The following SLC15A5 variants were observed in gnomAD, a reference collection of about 807,000 sequenced individuals.
SLC15A5 encodes the protein solute carrier family 15 member 5, also known as Peptide/histidine transporter ENSP00000340402.
SLC15A5 carries 58 observed loss-of-function variants against 56.1 expected under a neutral mutation model. The observed-to-expected ratio is 1.03, with a 90% CI of 0.84 to 1.29. SLC15A5 has a LOEUF of 1.29. SLC15A5 is among the 50% of genes most tolerant of loss of function. SLC15A5 has a pLI of 0.00. For missense variants in SLC15A5, 681 were observed against 672.1 expected (o/e 1.01, Z -0.15); for synonymous variants, 264 against 250.5 (o/e 1.05, Z -0.51).
intron 6 of SLC15A5, among the ~76,000 whole-genome samples, chr12:16,220,702 C>T (rs1272665906): frequency 6.6e-6 from 1 of 152,194 alleles, no homozygotes; most frequent in African/African-American, 2.4e-5. Context: ...TAACTGTACC[C>T]ACTCCATAAT....
At chr12:16,253,851 C>T (rs577419924) in intron 3 of SLC15A5, among the ~76,000 whole-genome samples, 78 of 152,096 alleles carry the variant, frequency 5.1e-4, no homozygotes, top group African/African-American at 1.7e-3. Context: ...AATGGTGCAG[C>T]CATTGTGGAA....
At chr12:16,226,930 A>C (rs910821830) in intron 5 of SLC15A5, among the ~76,000 whole-genome samples, 1 of 152,206 alleles carries the variant, frequency 6.6e-6, no homozygotes, top group African/African-American at 2.4e-5. Context: ...CTTGCATACA[A>C]TTTTAGATAA....
intron 2 of SLC15A5, among the ~76,000 whole-genome samples, chr12:16,266,652 C>G (rs1864700154): frequency 6.6e-6 from 1 of 151,978 alleles, no homozygotes; most frequent in South Asian, 2.1e-4. Context: ...GTATATGTAT[C>G]ATCTATAAAA....
chr12:16,204,974 A>G (rs954521934), intron 7 of SLC15A5, among the ~76,000 whole-genome samples: 1 of 152,166 alleles, frequency 6.6e-6, no homozygotes, highest in Non-Finnish European at 1.5e-5. Context: ...AAACTTGTAT[A>G]AAATAAATTT....
intron 5 of SLC15A5, among the ~76,000 whole-genome samples, chr12:16,231,344 A>G (rs962047554): frequency 6.6e-5 from 10 of 152,222 alleles, no homozygotes; most frequent in Non-Finnish European, 2.9e-5. Flanking sequence ...GTAAAAAGTC[A>G]GAGAAAGAGA....
intron 5 of SLC15A5, among the ~76,000 whole-genome samples, chr12:16,234,826 A>T (rs376092162): frequency 1.3e-5 from 2 of 152,192 alleles, no homozygotes; most frequent in Admixed American, 6.5e-5. Context: ...AGCTGAACTT[A>T]TACTAAAAAA....
rs1863820393 is a variant in SLC15A5 at position 16,189,568 on chromosome 12, CTG to C, written c.*98_*99del. On this transcript the variant is annotated 3_prime_UTR_variant, in exon 9 of 9. Coordinates refer to ENST00000344941, the MANE Select transcript of SLC15A5 (RefSeq NM_001170798.1). ...ACAGATGATATTTGTAAAATCACCT[CTG>C]TATATATTGGCTTTTACACTAAAAC... 1 of 1,014,924 alleles carries C rather than the reference CTG, an allele frequency of 9.9e-7. No homozygotes were observed. 62.9% of individuals were successfully genotyped at this position (1,014,924 alleles called of 1,614,324 possible).
intron 8 of SLC15A5, among the ~76,000 whole-genome samples, chr12:16,193,853 A>G (rs1396486606): frequency 8.0e-6 from 1 of 124,494 alleles, no homozygotes; most frequent in African/African-American, 3.2e-5. Context: ...GAGGCTGGCA[A>G]TGGATGGGTG....
At chr12:16,255,018 T>A (rs908730550) in intron 3 of SLC15A5, among the ~76,000 whole-genome samples, 1 of 152,140 alleles carries the variant, frequency 6.6e-6, no homozygotes, top group Admixed American at 6.5e-5. Flanking sequence ...AAAGAAATGA[T>A]GTTTGAAATG....
Position 16,235,318 on chromosome 12 carries a change from A to G in SLC15A5, c.1162+4363T>C, listed in dbSNP as rs569931098. Reference sequence around the variant, plus strand: ...TATGTATATGTATATATATGTATATATGTATATGTATATGTACATATATAT... The same window carrying G: ...TATGTATATGTATATATATGTATATGTGTATATGTATATGTACATATATAT... On this transcript the variant is annotated intron_variant, in intron 5 of 8. Coordinates refer to ENST00000344941, the MANE Select transcript of SLC15A5 (RefSeq NM_001170798.1). This position sits in a 1 kb window ranked among gnomAD's most constrained non-coding sequence, Gnocchi z 4.1. Among the ~76,000 whole-genome samples, 3 of 149,514 alleles carry G rather than the reference A, an allele frequency of 2.0e-5. No individual in the cohort carries two copies. The Admixed American group carries it at 2.0e-4, about 10-fold the overall frequency.
chr12:16,234,275 C>G (rs975188930), intron 5 of SLC15A5, among the ~76,000 whole-genome samples: 1 of 152,178 alleles, frequency 6.6e-6, no homozygotes, highest in African/African-American at 2.4e-5. Context: ...CCTCCCAATA[C>G]TGTTGTACTG....
chr12:16,246,142 G>A (rs1864458956), intron 3 of SLC15A5, among the ~76,000 whole-genome samples: 1 of 152,114 alleles, frequency 6.6e-6, no homozygotes, highest in South Asian at 2.1e-4. Flanking sequence ...TAGGTCATCT[G>A]GGAGTATGTT....
Position 16,241,290 on chromosome 12 carries a change from G to A in SLC15A5, c.976-1423C>T, listed in dbSNP as rs141123567. ...ACCACCATCCTGGGAGAGCAGCCTC[G>A]CTCAAATATCCAGATGATAACTTCT... On this transcript the variant is annotated intron_variant, in intron 4 of 8. Coordinates refer to ENST00000344941, the MANE Select transcript of SLC15A5 (RefSeq NM_001170798.1). Among the ~76,000 whole-genome samples the A allele has an allele frequency of 1.3e-3, 199 of 152,190 alleles. 1 individual carries two copies. Among genetic ancestry groups the A allele is most frequent in the African/African-American group, 4.0e-3 (166 of 41,500 alleles).
In SLC15A5 at chr12:16,241,310, A is replaced by T. The variant is rs7314812; in HGVS notation, c.976-1443T>A. ...GCCTCGCTCAAATATCCAGATGATA[A>T]CTTCTCATTTGAAACATTTGCTAAC... On this transcript the variant is annotated intron_variant, in intron 4 of 8. Coordinates refer to ENST00000344941, the MANE Select transcript of SLC15A5 (RefSeq NM_001170798.1). Among the ~76,000 whole-genome samples, 1,515 of 152,268 alleles carry T rather than the reference A, an allele frequency of 9.9e-3. 27 individuals are homozygous for T. Among genetic ancestry groups the T allele is most frequent in the African/African-American group, 0.034 (1,425 of 41,538 alleles).
chr12:16,206,869 G>GC (rs1457697896), intron 7 of SLC15A5, among the ~76,000 whole-genome samples: 1 of 152,184 alleles, frequency 6.6e-6, no homozygotes, highest in Non-Finnish European at 1.5e-5. Flanking sequence ...GAGAGAACAG[G>GC]CATGGGTGAT....
chr12:16,272,496 G>T (rs1439528684), intron 2 of SLC15A5, 65 bp downstream of exon 2: 18 of 1,437,708 alleles, frequency 1.3e-5, no homozygotes, highest in Non-Finnish European at 1.6e-5. Flanking sequence ...TACCCAAATG[G>T]AATCAGAAAG....
intron 6 of SLC15A5, among the ~76,000 whole-genome samples, chr12:16,220,852 G>A (rs1358139145): frequency 5.3e-5 from 8 of 151,972 alleles, no homozygotes; most frequent in African/African-American, 1.7e-4. Flanking sequence ...CTAAAACTTC[G>A]AGAGCAGTAT....
chr12:16,257,672 G>T (rs372302553), intron 3 of SLC15A5, 29 bp downstream of exon 3: 31 of 1,389,824 alleles, frequency 2.2e-5, no homozygotes, highest in Non-Finnish European at 2.9e-5. Flanking sequence ...TATAAACCCA[G>T]AAATCAATGT....
intron 3 of SLC15A5, among the ~76,000 whole-genome samples, 163 bp downstream of exon 3, chr12:16,257,538 T>A (rs1864588965): frequency 6.6e-6 from 1 of 152,232 alleles, no homozygotes. Flanking sequence ...TCTTAATTTT[T>A]ACTTAAAAAT....
Sources: gnomAD v4.1 joint callset for allele counts (sites outside exome capture counted in the v4.1 genomes callset) on GRCh38, gnomAD v4.1.1 for gene constraint, Gnocchi (gnomAD v3.1) non-coding constraint, MANE v1.5 for transcripts, NCBI Gene and HGNC (gene_info 2026-07-23, HGNC 2026-07-21) for gene names.